The following SEMA3E variants were observed in gnomAD, a reference collection of about 807,000 sequenced individuals.
SEMA3E encodes the protein semaphorin-3E.
A neutral mutation model predicts 93.6 loss-of-function variants in SEMA3E; 49 were observed. The observed-to-expected ratio is 0.52, with a 90% CI of 0.42 to 0.66. The LOEUF is 0.66. SEMA3E is among the 30% of genes least tolerant of loss of function. The pLI is 0.00. For synonymous variants in SEMA3E, 363 were observed against 330.7 expected (o/e 1.10, Z -1.06); for missense variants, 906 against 964.8 (o/e 0.94, Z 0.81).
intron 1 of SEMA3E, among the ~76,000 whole-genome samples, chr7:83,498,185 A>G (rs1012879674): frequency 1.3e-5 from 2 of 152,106 alleles, no homozygotes; most frequent in African/African-American, 2.4e-5. Flanking sequence ...TTATGTTATC[A>G]GTAAGGTTTC....
intron 5 of SEMA3E, among the ~76,000 whole-genome samples, 196 bp from the exon 6 acceptor site, chr7:83,408,683 G>T (rs1341595655): frequency 6.6e-6 from 1 of 152,158 alleles, no homozygotes; most frequent in South Asian, 2.1e-4. Flanking sequence ...GTGAACTTGG[G>T]CAAGTTGCTA....
chr7:83,392,447 A>T, intron 14 of SEMA3E, 108 bp downstream of exon 14: 1 of 1,250,580 alleles, frequency 8.0e-7, no homozygotes, highest in Middle Eastern at 1.9e-4. Flanking sequence ...TCTGTACACA[A>T]TAATTAATAC....
rs372385121 is a variant in SEMA3E at position 83,598,448 on chromosome 7, T to C, written c.115+49980A>G. Among the ~76,000 whole-genome samples the C allele has an allele frequency of 7.9e-5, 12 of 152,316 alleles. 1 individual carries two copies. The highest frequency in any genetic ancestry group is 6.5e-5 in the Admixed American group (1 of 15,288). On this transcript the variant is annotated intron_variant, in intron 1 of 16. Coordinates refer to ENST00000643230, the MANE Select transcript of SEMA3E (RefSeq NM_012431.3). ...GAAAAGCATTGAAATAATTAAATAA[T>C]ATAAAGAATTGAATATAGTGGCTTT...
At chr7:83,616,035 A>G (rs1377167578) in intron 1 of SEMA3E, among the ~76,000 whole-genome samples, 2 of 151,948 alleles carry the variant, frequency 1.3e-5, no homozygotes, top group African/African-American at 4.8e-5. Context: ...GGTTAAATGT[A>G]TGCCCTTGAA....
chr7:83,490,042 A>G, intron 2 of SEMA3E, 72 bp downstream of exon 2: 1 of 1,479,486 alleles, frequency 6.8e-7, no homozygotes, highest in Non-Finnish European at 9.4e-7. Context: ...CAATTAAAAA[A>G]AAGACAAGTA....
In SEMA3E at chr7:83,385,384, G is replaced by A. The variant is rs772875017; in HGVS notation, c.1785C>T (p.Asn595=). Residue 595 remains asparagine, a synonymous_variant, in exon 16 of 17, where the codon AAC becomes AAT. Transcript: ENST00000643230. ...TEEHLAYGIE[N]NSTLLECTPR... is the part of the protein sequence containing the mutation. ...GGGTACATTCCAGCAAAGTACTGTT[G>A]TTCTCTATGCCATAAGCCAGATGTT... The A allele has an allele frequency of 1.2e-6, 2 of 1,613,470 alleles. No individual in the cohort carries two copies. Among genetic ancestry groups the A allele is most frequent in the Admixed American group, 1.7e-5 (1 of 59,968 alleles).
At chr7:83,389,800 C>T (rs1171552020) in intron 14 of SEMA3E, among the ~76,000 whole-genome samples, 10 of 54,654 alleles carry the variant, frequency 1.8e-4, no homozygotes, top group African/African-American at 5.8e-4. Context: ...CATATATACA[C>T]GTATATATTA....
At chr7:83,376,341 T>C (rs1794822723) in intron 16 of SEMA3E, among the ~76,000 whole-genome samples, 1 of 151,920 alleles carries the variant, frequency 6.6e-6, no homozygotes, top group Non-Finnish European at 1.5e-5. Flanking sequence ...AAAAAGGAGA[T>C]TTTACTTCAT....
At chr7:83,484,800 T>C (rs1790219870) in intron 2 of SEMA3E, among the ~76,000 whole-genome samples, 1 of 152,184 alleles carries the variant, frequency 6.6e-6, no homozygotes, top group African/African-American at 2.4e-5. Context: ...ATTCTAGGGT[T>C]ATTAAAATTA....
chr7:83,511,437 G>A (rs1790816497), intron 1 of SEMA3E, among the ~76,000 whole-genome samples: 1 of 152,084 alleles, frequency 6.6e-6, no homozygotes, highest in East Asian at 1.9e-4. Flanking sequence ...TTCAGTAGAT[G>A]AGCTTTTCAG....
intron 1 of SEMA3E, among the ~76,000 whole-genome samples, chr7:83,603,862 G>A (rs987057444): frequency 3.3e-5 from 5 of 152,086 alleles, no homozygotes; most frequent in Non-Finnish European, 7.4e-5. Context: ...ACAAGCATTT[G>A]CATACTTTTC....
At chr7:83,560,514 T>C (rs2115832833) in intron 1 of SEMA3E, among the ~76,000 whole-genome samples, 1 of 152,232 alleles carries the variant, frequency 6.6e-6, no homozygotes, top group South Asian at 2.1e-4. Flanking sequence ...TGTGATTATA[T>C]AGAATTTATT....
chr7:83,387,068 C>A lies in SEMA3E; in HGVS notation c.1668-18G>T, dbSNP rs771755120. The A allele has an allele frequency of 1.9e-6, 3 of 1,609,596 alleles. No homozygotes were observed. The highest frequency in any genetic ancestry group is 1.3e-5 in the African/African-American group (1 of 74,758). On this transcript the variant is annotated intron_variant, in intron 14 of 16. Transcript: ENST00000643230. ...GGAAACGCCTGAAAGAAAGTAAATGCATTTAGATGTTCATTTTTTCAATTT... is the reference window on the plus strand; with the variant it reads ...GGAAACGCCTGAAAGAAAGTAAATGAATTTAGATGTTCATTTTTTCAATTT...
intron 16 of SEMA3E, among the ~76,000 whole-genome samples, chr7:83,380,123 T>C (rs908750151): frequency 1.5e-4 from 23 of 151,900 alleles, no homozygotes; most frequent in Non-Finnish European, 3.2e-4. Context: ...ATTATTGGAA[T>C]CATGTTACTG....
chr7:83,441,526 G>A (rs1007397630), intron 4 of SEMA3E, among the ~76,000 whole-genome samples: 1 of 152,206 alleles, frequency 6.6e-6, no homozygotes, highest in Non-Finnish European at 1.5e-5. Flanking sequence ...TGCTGCTGCT[G>A]CAGCTGGGTC....
chr7:83,521,100 T>TA (rs1791038183), intron 1 of SEMA3E, among the ~76,000 whole-genome samples: 1 of 151,356 alleles, frequency 6.6e-6, no homozygotes, highest in Non-Finnish European at 1.5e-5. Flanking sequence ...TTTTTTTTTT[T>TA]AGATTCTGTG....
chr7:83,596,262 G>C (rs1792870068), intron 1 of SEMA3E, among the ~76,000 whole-genome samples: 1 of 151,766 alleles, frequency 6.6e-6, no homozygotes, highest in African/African-American at 2.4e-5. Context: ...TTTCTTTTCT[G>C]TCTTTTTCCT....
chr7:83,641,818 C>T (rs929030071), intron 1 of SEMA3E, among the ~76,000 whole-genome samples: 6 of 152,162 alleles, frequency 3.9e-5, no homozygotes, highest in African/African-American at 1.4e-4. Flanking sequence ...CTCTCTGAAT[C>T]TCATCTGATT....
At chr7:83,463,204 T>TTAGCGC (rs1430101392) in intron 4 of SEMA3E, among the ~76,000 whole-genome samples, 2 of 151,592 alleles carry the variant, frequency 1.3e-5, no homozygotes, top group African/African-American at 4.8e-5. Context: ...CTAGGCATGG[T>TTAGCGC]TAGCGCGGTC....
Sources: allele counts gnomAD v4.1 joint callset (sites outside exome capture counted in the v4.1 genomes callset), GRCh38; gene constraint gnomAD v4.1.1; transcripts MANE v1.5; gene names NCBI Gene and HGNC (gene_info 2026-07-23, HGNC 2026-07-21).